The following KAZN variants were observed in gnomAD, a reference collection of about 807,000 sequenced individuals.
The protein encoded by KAZN is kazrin, periplakin interacting protein, also known as kazrin.
KAZN carries 40 observed loss-of-function variants against 87.4 expected under a neutral mutation model. The observed-to-expected ratio is 0.46, with a 90% CI of 0.36 to 0.60. The LOEUF (loss-of-function observed/expected upper bound fraction) is 0.60, where lower values mean the gene tolerates loss of function less well. Ranked by LOEUF, KAZN falls within the 20% of genes least tolerant of loss-of-function variation. The pLI, the probability that KAZN is intolerant of heterozygous loss-of-function variation, is 0.00. For synonymous variants in KAZN, 466 were observed against 458.3 expected (o/e 1.02, Z -0.22); for missense variants, 898 against 1,073.9 (o/e 0.84, Z 2.29).
intron 1 of KAZN, among the ~76,000 whole-genome samples, chr1:13,911,471 C>T (rs1351023489): frequency 6.6e-6 from 1 of 152,200 alleles, no homozygotes; most frequent in Non-Finnish European, 1.5e-5. Flanking sequence ...CAGGCCCCAC[C>T]TTCAGCACTG....
At position 14,683,551 on chromosome 1, in the gene KAZN, T is replaced by G. The variant is rs541189028; in HGVS notation, c.226+84328T>G. Reference sequence around the variant, plus strand: ...CCCCTGTGACATGGTGTTGACACACTGAATGCAGTCAATGAATAAATGATA... The same window carrying G: ...CCCCTGTGACATGGTGTTGACACACGGAATGCAGTCAATGAATAAATGATA... On this transcript the variant is annotated intron_variant, in intron 1 of 14. Coordinates refer to ENST00000376030, the MANE Select transcript of KAZN (RefSeq NM_201628.3). Among the ~76,000 whole-genome samples, 40 of 152,362 alleles carry G rather than the reference T, an allele frequency of 2.6e-4. 1 individual carries two copies. Among genetic ancestry groups the G allele is most frequent in the African/African-American group, 9.1e-4 (38 of 41,596 alleles).
At chr1:14,969,584 G>A (rs1418112862) in intron 2 of KAZN, among the ~76,000 whole-genome samples, 2 of 152,200 alleles carry the variant, frequency 1.3e-5, no homozygotes, top group African/African-American at 4.8e-5. Context: ...ACTACCGGCT[G>A]CTTTTAAATA....
intron 1 of KAZN, among the ~76,000 whole-genome samples, chr1:14,831,998 C>G (rs1647062432): frequency 6.6e-6 from 1 of 152,076 alleles, no homozygotes; most frequent in East Asian, 1.9e-4. Context: ...AGTTCGAGAC[C>G]AGCCTGGCCA....
chr1:14,452,209 G>A (rs1175505024), intron 2 of KAZN, among the ~76,000 whole-genome samples: 1 of 152,166 alleles, frequency 6.6e-6, no homozygotes, highest in African/African-American at 2.4e-5. Flanking sequence ...CAAACTGCTA[G>A]GATTACAGAC....
intron 1 of KAZN, among the ~76,000 whole-genome samples, chr1:14,885,637 C>T (rs1353428779): frequency 6.6e-6 from 1 of 151,972 alleles, no homozygotes; most frequent in African/African-American, 2.4e-5. Flanking sequence ...AGTGAGCCAC[C>T]GTGCCTGGCC....
chr1:14,516,554 C>G (rs778307402), intron 2 of KAZN, among the ~76,000 whole-genome samples: 3 of 152,184 alleles, frequency 2.0e-5, no homozygotes, highest in Non-Finnish European at 4.4e-5. Flanking sequence ...TTCTCTTCTG[C>G]GAGAAACAAC....
intron 1 of KAZN, among the ~76,000 whole-genome samples, chr1:14,954,937 A>G (rs10927596): frequency 0.17 from 25,550 of 152,130 alleles, 7,082 homozygotes; most frequent in African/African-American, 0.58. Context: ...GGGCGACAGC[A>G]CGAGACTCCA....
At chr1:14,846,541 AG>A (rs1230835381) in intron 1 of KAZN, among the ~76,000 whole-genome samples, 1 of 152,210 alleles carries the variant, frequency 6.6e-6, no homozygotes, top group Non-Finnish European at 1.5e-5. Flanking sequence ...TATGGAATCT[AG>A]GTATTATTGG....
At chr1:14,119,694 A>G (rs1570782860) in intron 1 of KAZN, among the ~76,000 whole-genome samples, 1 of 152,204 alleles carries the variant, frequency 6.6e-6, no homozygotes, top group Non-Finnish European at 1.5e-5. Flanking sequence ...AAGTCTGTCT[A>G]TAAGTGTCTC....
At chr1:14,025,076 A>G (rs953309754) in intron 1 of KAZN, among the ~76,000 whole-genome samples, 2 of 152,204 alleles carry the variant, frequency 1.3e-5, no homozygotes, top group South Asian at 4.1e-4. Flanking sequence ...CTTCCACTAA[A>G]TTTTGTCTTG....
At chr1:14,823,817 G>A (rs1042891189) in intron 1 of KAZN, among the ~76,000 whole-genome samples, 16 of 152,120 alleles carry the variant, frequency 1.1e-4, no homozygotes, top group African/African-American at 3.9e-4. Flanking sequence ...GCAAAATGAG[G>A]CCAGGGAATG....
chr1:14,728,390 T>C (rs1397434917), intron 1 of KAZN, among the ~76,000 whole-genome samples: 3 of 144,490 alleles, frequency 2.1e-5, no homozygotes, highest in Admixed American at 7.0e-5. Flanking sequence ...TGGTTGCAAA[T>C]AAGATGAAGC....
At chr1:14,099,152 A>T (rs1009120251) in intron 1 of KAZN, among the ~76,000 whole-genome samples, 1 of 152,098 alleles carries the variant, frequency 6.6e-6, no homozygotes, top group African/African-American at 2.4e-5. Context: ...TGACAAATGG[A>T]GGGGAATAAG....
intron 2 of KAZN, among the ~76,000 whole-genome samples, chr1:14,347,460 T>C (rs1341012097): frequency 1.3e-5 from 2 of 152,146 alleles, no homozygotes; most frequent in African/African-American, 4.8e-5. Context: ...GATTCCAAGA[T>C]CCACCCGGGT....
intron 1 of KAZN, among the ~76,000 whole-genome samples, chr1:13,926,019 G>A (rs1297366930): frequency 6.6e-6 from 1 of 152,110 alleles, no homozygotes; most frequent in Non-Finnish European, 1.5e-5. Context: ...ATATGGGGTG[G>A]TTGGGGGACA....
At chr1:14,464,420 T>G (rs1668006536) in intron 2 of KAZN, among the ~76,000 whole-genome samples, 1 of 152,216 alleles carries the variant, frequency 6.6e-6, no homozygotes. Flanking sequence ...ACATGACATA[T>G]GCTCTTTGGT....
rs926283308 is a variant in KAZN at position 14,233,138 on chromosome 1, AT to A, written c.249+52557del. On this transcript the variant is annotated intron_variant, in intron 2 of 16. Coordinates refer to the KAZN transcript ENST00000636203. ...AGGCACTTAGTTGCTAAATTCTTTT[AT>A]TTTTTTTTTTGAGACAAGGTCCCAC... Among the ~76,000 whole-genome samples, 347 of 147,286 alleles carry A rather than the reference AT, an allele frequency of 2.4e-3. 1 individual carries two copies. The highest frequency in any genetic ancestry group is 7.4e-3 in the African/African-American group (299 of 40,432).
At chr1:15,075,299 G>A (rs1241985867) in intron 8 of KAZN, among the ~76,000 whole-genome samples, 1 of 152,190 alleles carries the variant, frequency 6.6e-6, no homozygotes, top group Non-Finnish European at 1.5e-5. Context: ...AAATCCCTGG[G>A]TCAGTAAGTT....
At chr1:14,341,591 T>A (rs1378510696) in intron 2 of KAZN, among the ~76,000 whole-genome samples, 1 of 152,172 alleles carries the variant, frequency 6.6e-6, no homozygotes, top group Admixed American at 6.5e-5. Flanking sequence ...GACTGCTCTC[T>A]CCACCCTGGT....
Sources: gnomAD v4.1 joint callset for allele counts (sites outside exome capture counted in the v4.1 genomes callset) on GRCh38, gnomAD v4.1.1 for gene constraint, MANE v1.5 for transcripts, NCBI Gene and HGNC (gene_info 2026-07-23, HGNC 2026-07-21) for gene names.